ACSL3: variants seen among roughly 807,000 people sequenced by gnomAD.
ACSL3 encodes fatty acid CoA ligase Acsl3.
A neutral mutation model predicts 84.7 loss-of-function variants in ACSL3; 34 were observed. The observed-to-expected ratio is 0.40, with a 90% CI of 0.31 to 0.53. The LOEUF is 0.53. Ranked by LOEUF, ACSL3 falls within the 20% of genes least tolerant of loss-of-function variation. ACSL3 has a pLI of 0.48. For synonymous variants in ACSL3, 315 were observed against 299.4 expected, an observed-to-expected ratio of 1.05 and a Z score of -0.54; for missense variants, 680 against 873.1, an observed-to-expected ratio of 0.78 and a Z score of 2.79.
rs552899052 is a variant in ACSL3 at position 222,944,380 on chromosome 2, A to G, written c.*2726A>G. 5.3e-4 allele frequency: 80 copies of G among 152,242 alleles called. 1 individual carries two copies. The highest frequency in any genetic ancestry group is 1.9e-3 in the African/African-American group (77 of 41,556). 9.4% of individuals were successfully genotyped at this position (152,242 alleles called of 1,614,324 possible). On this transcript the variant is annotated 3_prime_UTR_variant, in exon 17 of 17. Transcript: ENST00000357430. ...GGGCTCTTTTTTTCCCATAAGAATT[A>G]TGTACATCTGTGATGTTTTACAGGG...
chr2:222,918,666 C>A (rs893000802), intron 6 of ACSL3, among the ~76,000 whole-genome samples: 7 of 145,938 alleles, frequency 4.8e-5, no homozygotes, highest in African/African-American at 1.8e-4. Flanking sequence ...TAAACTTGTT[C>A]AAAAAGAAAA....
intron 11 of ACSL3, among the ~76,000 whole-genome samples, chr2:222,926,492 TTTAAC>T (rs1439017260): frequency 1.3e-5 from 2 of 152,206 alleles, no homozygotes; most frequent in Non-Finnish European, 2.9e-5. Context: ...CAATTAGATG[TTTAAC>T]TTGTTTCCTT....
chr2:222,922,465 C>T (rs1696765201), intron 8 of ACSL3, among the ~76,000 whole-genome samples: 2 of 152,210 alleles, frequency 1.3e-5, no homozygotes, highest in East Asian at 1.9e-4. Flanking sequence ...GCATTCCTTC[C>T]TGCAAGTGTG....
intron 1 of ACSL3, among the ~76,000 whole-genome samples, chr2:222,871,443 G>T (rs534462145): frequency 2.0e-5 from 3 of 152,220 alleles, no homozygotes; most frequent in African/African-American, 7.2e-5. Context: ...AGAATGAGGT[G>T]AGAAGTCAGT....
chr2:222,866,852 T>TG (rs1695161477), intron 1 of ACSL3, among the ~76,000 whole-genome samples: 1 of 134,566 alleles, frequency 7.4e-6, no homozygotes, highest in Non-Finnish European at 1.6e-5. Context: ...TTTTTTTTTT[T>TG]GAGACAGAGT....
intron 4 of ACSL3, 114 bp from the exon 5 acceptor site, chr2:222,916,199 AAAAGAT>A (rs1307346545): frequency 4.7e-6 from 3 of 634,294 alleles, no homozygotes; most frequent in Non-Finnish European, 7.0e-6. Context: ...CTTTTTATTA[AAAAGAT>A]AATTCTATGC....
At position 222,909,217 on chromosome 2, in the gene ACSL3, G is replaced by A. The variant is rs1050091901; in HGVS notation, c.378+67G>A. On this transcript the variant is annotated intron_variant, in intron 4 of 16. Transcript: ENST00000357430. The stretch of plus-strand genomic sequence containing the variant: ...ATATCCTGTTAGAAATGAAGTAAAG[G>A]GCAAGCACAGCCTGCCTCCATTAGA... 2.7e-4 allele frequency: 401 copies of A among 1,470,990 alleles called. 1 individual carries two copies. Among genetic ancestry groups the A allele is most frequent in the Non-Finnish European group, 3.6e-4 (386 of 1,083,828 alleles). The allele number at this position is 1,470,990 out of a possible 1,614,324, so 91.1% of individuals were successfully genotyped here. A position where few individuals can be genotyped will look rare whatever the true frequency, so the allele number is the denominator to read the frequency against.
chr2:222,936,672 A>G (rs1432891563), intron 16 of ACSL3, among the ~76,000 whole-genome samples: 4 of 117,116 alleles, frequency 3.4e-5, no homozygotes, highest in Admixed American at 2.6e-4. Context: ...AACATGTATT[A>G]GTCTGTTCTC....
rs576093543 is a variant in ACSL3, at chr2:222,874,022, T to G, written c.-207+12764T>G. 1.0e-3 allele frequency among the ~76,000 whole-genome samples: 157 copies of G among 152,206 alleles called. 2 individuals carry two copies. The highest frequency in any genetic ancestry group is 1.9e-3 in the Non-Finnish European group (129 of 68,038). On this transcript the variant is annotated intron_variant, in intron 1 of 16. Transcript: ENST00000357430. ...TGCACCTGTACTTGGATTTATTTTT[T>G]TATTTTTATTTTTTTTTGAGACGGA...
intron 3 of ACSL3, among the ~76,000 whole-genome samples, chr2:222,903,943 A>T (rs140774854): frequency 0.1 from 582 of 5,798 alleles, 2 homozygotes; most frequent in Middle Eastern, 0.21. Flanking sequence ...CTGAATAGTT[A>T]AAAAAAAAAA....
At chr2:222,915,044 A>G (rs1395936587) in intron 4 of ACSL3, among the ~76,000 whole-genome samples, 1 of 152,242 alleles carries the variant, frequency 6.6e-6, no homozygotes, top group Non-Finnish European at 1.5e-5. Context: ...TTTGAAATTT[A>G]TAAATCCTGT....
intron 13 of ACSL3, among the ~76,000 whole-genome samples, chr2:222,929,505 G>A (rs1365639479): frequency 6.6e-6 from 1 of 152,104 alleles, no homozygotes. Flanking sequence ...ATTCTGGCCG[G>A]GCGCAGTGGC....
At chr2:222,869,579 A>G (rs563909318) in intron 1 of ACSL3, among the ~76,000 whole-genome samples, 1 of 152,356 alleles carries the variant, frequency 6.6e-6, no homozygotes, top group East Asian at 1.9e-4. Flanking sequence ...GGCCATATGA[A>G]GTTACAGAGG....
chr2:222,909,003 G>C lies in ACSL3; in HGVS notation c.231G>C (p.Leu77Phe). Residue 77 changes from leucine to phenylalanine, a missense_variant, in exon 4 of 17, where the codon TTG (leucine) becomes TTC (phenylalanine). Coordinates refer to ENST00000357430, the MANE Select transcript of ACSL3 (RefSeq NM_004457.5). ...GATCTGTTAATAGTTTGGATGGTTT[G>C]GCTTCAGTATTATACCCTGGATGTG... ...AYRSVNSLDG[L>F]ASVLYPGCDT... The C allele has an allele frequency of 6.2e-7, 1 of 1,613,732 alleles. No individual in the cohort carries two copies. The highest frequency in any genetic ancestry group is 1.3e-5 in the African/African-American group (1 of 74,986).
intron 2 of ACSL3, among the ~76,000 whole-genome samples, chr2:222,891,620 CAA>C (rs1432213723): frequency 1.3e-5 from 2 of 152,062 alleles, no homozygotes; most frequent in Non-Finnish European, 2.9e-5. Context: ...GGAGAGTACT[CAA>C]GAGTCCTACT....
In ACSL3 at chr2:222,933,269, A is replaced by C; in HGVS notation, c.1836A>C (p.Ala612=). The C allele has an allele frequency of 6.2e-7, 1 of 1,609,640 alleles. No individual in the cohort carries two copies. Among genetic ancestry groups the C allele is most frequent in the Non-Finnish European group, 8.5e-7 (1 of 1,177,062 alleles). ...TTCCACTAGTAGATAACATTTGTGC[A>C]TATGCAAACAGGTAAGAACGTGGAA... The part of the protein sequence containing the change: ...KNLPLVDNIC[A]YANSYHSYVI... The change falls in exon 15 of 17, where the codon GCA becomes GCC. Residue 612 remains alanine (A), a synonymous_variant. Transcript: ENST00000357430.
intron 13 of ACSL3, among the ~76,000 whole-genome samples, 175 bp downstream of exon 13, chr2:222,929,111 A>G (rs988213259): frequency 1.3e-5 from 2 of 152,216 alleles, no homozygotes; most frequent in African/African-American, 4.8e-5. Flanking sequence ...TGTTTCAAAG[A>G]TGTTTCTGAA....
At position 222,880,754 on chromosome 2, in the gene ACSL3, C is replaced by T. The variant is rs369570137; in HGVS notation, c.-206-7076C>T. Among the ~76,000 whole-genome samples the T allele has an allele frequency of 2.5e-4, 37 of 149,186 alleles. No individual in the cohort carries two copies. In the East Asian group the frequency reaches 5.9e-3, roughly 24 times the overall value. ...CTGAGACAGGAGAATGGCGTGAACC[C>T]GGGAGGCGGAGCTTACAGTGAGCAG... On this transcript the variant is annotated intron_variant, in intron 1 of 16. Coordinates refer to ENST00000357430, the MANE Select transcript of ACSL3 (RefSeq NM_004457.5).
intron 4 of ACSL3, among the ~76,000 whole-genome samples, chr2:222,914,087 T>C (rs1696512648): frequency 1.3e-5 from 2 of 152,218 alleles, no homozygotes; most frequent in African/African-American, 2.4e-5. Context: ...AGGTGTACTT[T>C]ACTGAAGAAG....
Sources: gnomAD v4.1 joint callset for allele counts (sites outside exome capture counted in the v4.1 genomes callset) on GRCh38, gnomAD v4.1.1 for gene constraint, MANE v1.5 for transcripts, NCBI Gene and HGNC (gene_info 2026-07-23, HGNC 2026-07-21) for gene names.